The following SERINC3 variants were observed in gnomAD, a reference collection of about 807,000 sequenced individuals.
The protein encoded by SERINC3 is tumor differentially expressed protein 1.
SERINC3 carries 22 observed loss-of-function variants against 52.1 expected under a neutral mutation model. The observed-to-expected ratio is 0.42, with a 90% CI of 0.30 to 0.60. The LOEUF (loss-of-function observed/expected upper bound fraction) is 0.60, where lower values mean the gene tolerates loss of function less well. SERINC3 is among the 20% of genes least tolerant of loss of function. SERINC3 has a pLI of 0.16. For synonymous variants in SERINC3, 226 were observed against 212.7 expected, an observed-to-expected ratio of 1.06 and a Z score of -0.54; for missense variants, 564 against 584.6, an observed-to-expected ratio of 0.96 and a Z score of 0.36.
intron 1 of SERINC3, among the ~76,000 whole-genome samples, chr20:44,517,735 G>A (rs950224541): frequency 1.3e-5 from 2 of 152,162 alleles, no homozygotes; most frequent in African/African-American, 4.8e-5. Flanking sequence ...TCGGTCTGTG[G>A]TACTTTGTTA....
At chr20:44,508,596 G>A (rs1014763534) in intron 5 of SERINC3, among the ~76,000 whole-genome samples, 13 of 152,158 alleles carry the variant, frequency 8.5e-5, no homozygotes, top group Admixed American at 2.6e-4. Context: ...GGTATACTCC[G>A]CTATGGAATG....
intron 1 of SERINC3, among the ~76,000 whole-genome samples, chr20:44,517,447 G>A (rs1472610024): frequency 6.6e-6 from 1 of 152,164 alleles, no homozygotes; most frequent in Admixed American, 6.5e-5. Context: ...GGAGTAGAGT[G>A]AGCAGCTAAT....
At chr20:44,503,778 T>G in intron 8 of SERINC3, 37 bp downstream of exon 8, 1 of 1,451,308 alleles carries the variant, frequency 6.9e-7, no homozygotes, top group Non-Finnish European at 9.2e-7. Flanking sequence ...ATTATCAACC[T>G]CCATGAAAAT....
chr20:44,502,362 G>GC (rs1440412596), intron 8 of SERINC3, among the ~76,000 whole-genome samples: 2 of 152,162 alleles, frequency 1.3e-5, no homozygotes, highest in Non-Finnish European at 2.9e-5. Context: ...TGAGGTGGGA[G>GC]GATCGCCAGA....
At chr20:44,520,268 C>G (rs748352467) in intron 1 of SERINC3, among the ~76,000 whole-genome samples, 8 of 152,046 alleles carry the variant, frequency 5.3e-5, no homozygotes, top group Non-Finnish European at 7.4e-5. Flanking sequence ...CCAGCTACTC[C>G]GGGAGGCTGA....
At chr20:44,506,626 A>C (rs1439543699) in intron 6 of SERINC3, among the ~76,000 whole-genome samples, 6 of 142,298 alleles carry the variant, frequency 4.2e-5, no homozygotes, top group Non-Finnish European at 7.6e-5. Context: ...ATAAATTTTC[A>C]AGTTACCTGG....
chr20:44,499,246 CCT>C lies in SERINC3; in HGVS notation c.*1048_*1049del, dbSNP rs1441642276. 3 of 152,322 alleles carry C rather than the reference CCT, an allele frequency of 2.0e-5. No homozygotes were observed. The highest frequency in any genetic ancestry group is 2.0e-4 in the Admixed American group (3 of 15,274). The allele number at this position is 152,322 out of a possible 1,614,324, so 9.4% of individuals were successfully genotyped here. A position where few individuals can be genotyped will look rare whatever the true frequency, so the allele number is the denominator to read the frequency against. ...TTTTATTCTACCTTTTTGCACACCA[CCT>C]CTCATGAAAATGGTTCTTGACAATG... On this transcript the variant is annotated 3_prime_UTR_variant, in exon 10 of 10. Coordinates refer to ENST00000342374, the MANE Select transcript of SERINC3 (RefSeq NM_006811.4).
chr20:44,515,210 C>T (rs766061625), intron 1 of SERINC3, among the ~76,000 whole-genome samples: 1 of 152,060 alleles, frequency 6.6e-6, no homozygotes, highest in Admixed American at 6.6e-5. Context: ...AAAAATTATC[C>T]GGGCGTGGTG....
chr20:44,504,650 A>G (rs1050753307), intron 7 of SERINC3, 151 bp downstream of exon 7: 13 of 582,168 alleles, frequency 2.2e-5, no homozygotes, highest in South Asian at 7.1e-5. Context: ...TGTGAAAGGT[A>G]AATACCTACA....
intron 5 of SERINC3, among the ~76,000 whole-genome samples, chr20:44,508,945 CAT>C (rs746180967): frequency 3.3e-5 from 5 of 152,148 alleles, no homozygotes; most frequent in Admixed American, 6.5e-5. Flanking sequence ...TTTTTAAAAA[CAT>C]GTAAATATTT....
chr20:44,520,984 C>T (rs2064412980), intron 1 of SERINC3, among the ~76,000 whole-genome samples: 1 of 152,188 alleles, frequency 6.6e-6, no homozygotes, highest in Non-Finnish European at 1.5e-5. Flanking sequence ...TGATTTGATG[C>T]TATCTCCAAG....
At chr20:44,514,175 G>A in intron 1 of SERINC3, 135 bp from the exon 2 acceptor site, 2 of 954,784 alleles carry the variant, frequency 2.1e-6, no homozygotes, top group South Asian at 2.0e-5. Flanking sequence ...GGAGGAAGTG[G>A]TTAAAAGTAC....
At chr20:44,505,325 T>C (rs1242244227) in intron 6 of SERINC3, among the ~76,000 whole-genome samples, 3 of 152,190 alleles carry the variant, frequency 2.0e-5, no homozygotes, top group Non-Finnish European at 2.9e-5. Context: ...TTAAACGGTT[T>C]TTTTTTCTTT....
At chr20:44,504,223 CATT>C (rs111313117) in intron 7 of SERINC3, among the ~76,000 whole-genome samples, 3,513 of 152,222 alleles carry the variant, frequency 0.023, 141 homozygotes, top group African/African-American at 0.081. Context: ...TCATAAACAT[CATT>C]ATTGATTTTA....
Position 44,504,811 on chromosome 20 carries a change from G to A in SERINC3, c.864C>T (p.Ser288=), listed in dbSNP as rs1600810478. Residue 288 remains serine, a synonymous_variant, in exon 7 of 10, where the codon TCC becomes TCT. Coordinates refer to ENST00000342374, the MANE Select transcript of SERINC3 (RefSeq NM_006811.4). ...YTMYLTWSAM[S]NEPDRSCNPN... ...TTGACATTCCCTTACCAGGTTCATT[G>A]GACATGGCTGACCAGGTGAGGTACA... is the stretch of plus-strand genomic sequence containing the variant. 1 of 1,607,904 alleles carries A rather than the reference G, an allele frequency of 6.2e-7. No homozygotes were observed. The highest frequency in any genetic ancestry group is 8.5e-7 in the Non-Finnish European group (1 of 1,175,242).
intron 5 of SERINC3, among the ~76,000 whole-genome samples, chr20:44,508,475 TGA>T (rs2064328371): frequency 6.6e-6 from 1 of 151,604 alleles, no homozygotes; most frequent in South Asian, 2.1e-4. Context: ...CCAGCCTGGG[TGA>T]GAGAGTGAGA....
chr20:44,501,696 C>G (rs1225787451), intron 8 of SERINC3, among the ~76,000 whole-genome samples: 1 of 152,150 alleles, frequency 6.6e-6, no homozygotes, highest in Non-Finnish European at 1.5e-5. Context: ...CCCTCACTGG[C>G]TAGGTTACAA....
At chr20:44,520,291 C>T (rs996786560) in intron 1 of SERINC3, among the ~76,000 whole-genome samples, 1 of 152,038 alleles carries the variant, frequency 6.6e-6, no homozygotes, top group East Asian at 1.9e-4. Flanking sequence ...CATGAGAATC[C>T]CTTGGAGGTT....
At chr20:44,505,247 C>A (rs562542574) in intron 6 of SERINC3, among the ~76,000 whole-genome samples, 1 of 152,306 alleles carries the variant, frequency 6.6e-6, no homozygotes, top group South Asian at 2.1e-4. Flanking sequence ...TGTTTTCTCA[C>A]TTTTAAAAGG....
Sources: allele counts gnomAD v4.1 joint callset (sites outside exome capture counted in the v4.1 genomes callset), GRCh38; gene constraint gnomAD v4.1.1; transcripts MANE v1.5; gene names NCBI Gene and HGNC (gene_info 2026-07-23, HGNC 2026-07-21).